Variants in DELE1 observed in about 807,000 individuals in gnomAD.
DELE1 encodes the protein death ligand signal enhancer.
In DELE1, 54 loss-of-function variants were observed where a neutral mutation model predicts 59.3. The observed-to-expected ratio is 0.91, with a 90% CI of 0.73 to 1.14. The LOEUF (loss-of-function observed/expected upper bound fraction) is 1.14. Ranked by LOEUF, DELE1 falls within the 50% of genes most tolerant of loss-of-function variation. The pLI is 0.00. For synonymous variants in DELE1, 264 were observed against 259.1 expected, an observed-to-expected ratio of 1.02 and a Z score of -0.18; for missense variants, 636 against 643.9, an observed-to-expected ratio of 0.99 and a Z score of 0.13.
intron 8 of DELE1, chr5:141,933,628 C>T: frequency 3.4e-6 from 1 of 291,242 alleles, no homozygotes; most frequent in Non-Finnish European, 6.3e-6. Context: ...ACATCCTCAG[C>T]CTAGAATAGC....
At chr5:141,936,268 A>C (rs1385530553) in intron 10 of DELE1, among the ~76,000 whole-genome samples, 1 of 152,178 alleles carries the variant, frequency 6.6e-6, no homozygotes, top group Non-Finnish European at 1.5e-5. Flanking sequence ...CTGAGTTAAC[A>C]CAGCTGGTAA....
In DELE1 at chr5:141,933,349, A is replaced by G. The variant is rs770205450; in HGVS notation, c.845A>G (p.Asn282Ser). Residue 282 changes from asparagine to serine, a missense_variant, in exon 8 of 12, where the codon AAT becomes AGT. By Grantham distance (46) the Asn-to-Ser change is conservative. Coordinates refer to ENST00000432126, the MANE Select transcript of DELE1 (RefSeq NM_014773.5). Reference protein sequence around the residue: ...AARGYSKAQYNAGLCHEHGRG... With the variant: ...AARGYSKAQYSAGLCHEHGRG... ...CGCGGCTACAGCAAAGCGCAGTACA[A>G]TGCGGGCTTGTGTCATGAGCATGGC... 37 of 1,539,756 alleles carry G rather than the reference A, an allele frequency of 2.4e-5. No homozygotes were observed. Among genetic ancestry groups the G allele is most frequent in the Middle Eastern group, 1.8e-4 (1 of 5,592 alleles).
At chr5:141,937,498 C>T (rs1048864841) in intron 11 of DELE1, 141 bp downstream of exon 11, 81 of 935,898 alleles carry the variant, frequency 8.7e-5, no homozygotes, top group Admixed American at 2.2e-4. Context: ...GGGATGGGCA[C>T]GGTGGCTCAC....
intron 7 of DELE1, among the ~76,000 whole-genome samples, chr5:141,930,895 G>C (rs1338467279): frequency 2.0e-5 from 3 of 152,172 alleles, no homozygotes; most frequent in African/African-American, 7.2e-5. Flanking sequence ...TGGGCAGATA[G>C]GCAAGAGGCT....
At chr5:141,937,888 G>A (rs1289681918) in intron 11 of DELE1, among the ~76,000 whole-genome samples, 2 of 147,200 alleles carry the variant, frequency 1.4e-5, no homozygotes, top group South Asian at 2.3e-4. Context: ...GCAATAGCGC[G>A]ATCTCGGCTC....
chr5:141,924,839 T>G (rs569186103), intron 2 of DELE1, 144 bp downstream of exon 2: 31 of 599,856 alleles, frequency 5.2e-5, no homozygotes, highest in Non-Finnish European at 7.1e-5. Context: ...CACTGCAACC[T>G]CCGCCTCCCA....
Position 141,939,045 on chromosome 5 carries a change from G to A in DELE1, c.*286G>A, listed in dbSNP as rs1752586667. ...TACTGAAGGGTCCAGAGACCCTGGT[G>A]CTCACCTTAGCCTTTGTCTTTGAGC... On this transcript the variant is annotated 3_prime_UTR_variant, in exon 12 of 12. Coordinates refer to ENST00000432126, the MANE Select transcript of DELE1 (RefSeq NM_014773.5). The A allele has an allele frequency of 8.3e-7, 1 of 1,205,482 alleles. No individual in the cohort carries two copies. The allele number at this position is 1,205,482 out of a possible 1,614,324, so 74.7% of individuals were successfully genotyped here. A position where few individuals can be genotyped will look rare whatever the true frequency, so the allele number is the denominator to read the frequency against.
rs539734341 is a variant in DELE1, at chr5:141,938,666, G to T, written c.1455G>T (p.Gly485=). 1 of 1,614,106 alleles carries T rather than the reference G, an allele frequency of 6.2e-7. No individual in the cohort carries two copies. The highest frequency in any genetic ancestry group is 1.7e-5 in the Admixed American group (1 of 60,022). Residue 485 remains glycine (G), a synonymous_variant, in exon 12 of 12, where the codon GGG becomes GGT. Coordinates refer to ENST00000432126, the MANE Select transcript of DELE1 (RefSeq NM_014773.5). ...ACCTTGGCCTCCTCTGCAGAAGTGG[G>T]CATCTCGGAGCCAGCCTGGAAGCCT... ...TGNLGLLCRS[G]HLGASLEASS...
At chr5:141,937,876 G>A (rs1436326538) in intron 11 of DELE1, among the ~76,000 whole-genome samples, 1 of 149,460 alleles carries the variant, frequency 6.7e-6, no homozygotes, top group Non-Finnish European at 1.5e-5. Flanking sequence ...CCAGGCTGGA[G>A]TGCAATAGCG....
rs749047395 is a variant in DELE1 at position 141,925,509 on chromosome 5, A to G, written c.246A>G (p.Leu82=). 1.1e-5 allele frequency: 18 copies of G among 1,591,958 alleles called. No homozygotes were observed. Among genetic ancestry groups the G allele is most frequent in the South Asian group, 2.3e-5 (2 of 88,172 alleles). The part of the protein sequence containing the change: ...WMSSRVSPNT[L]WDAISWGTLA... ...CTTCCCGTGTCTCCCCGAACACCCT[A>G]TGGGATGCCATATCTTGGGTAAGGC... is the stretch of plus-strand genomic sequence containing the variant. Residue 82 remains leucine, a synonymous_variant, in exon 3 of 12, where the codon CTA becomes CTG. Coordinates refer to ENST00000432126, the MANE Select transcript of DELE1 (RefSeq NM_014773.5).
rs1226532535 is a variant in DELE1 at position 141,938,529 on chromosome 5, C to G, written c.1318C>G (p.Pro440Ala). 6.2e-7 allele frequency: 1 copy of G among 1,613,822 alleles called. No individual in the cohort carries two copies. The highest frequency in any genetic ancestry group is 2.2e-5 in the East Asian group (1 of 44,872). Reference protein sequence around the residue: ...LFSMGAAAPGPSDLTVTGLKS... With the variant: ...LFSMGAAAPGASDLTVTGLKS... ...CTCACCTCTTCTTGTAGCCCCGGGG[C>G]CCAGCGACCTGACAGTTACAGGACT... The change falls in exon 12 of 12, where the codon CCC becomes GCC. Residue 440 changes from proline (P) to alanine (A), a missense_variant. By Grantham distance (27) the Pro-to-Ala change is conservative. Coordinates refer to ENST00000432126, the MANE Select transcript of DELE1 (RefSeq NM_014773.5).
chr5:141,929,383 G>A (rs900661760), intron 4 of DELE1, among the ~76,000 whole-genome samples, 199 bp from the exon 5 acceptor site: 5 of 152,204 alleles, frequency 3.3e-5, no homozygotes, highest in Admixed American at 3.3e-4. Flanking sequence ...TGAGTAGCTG[G>A]GATTACAGGC....
chr5:141,935,652 G>A (rs1259319005), intron 10 of DELE1, among the ~76,000 whole-genome samples: 4 of 152,198 alleles, frequency 2.6e-5, no homozygotes, highest in Non-Finnish European at 5.9e-5. Flanking sequence ...ATCCACTGCT[G>A]TACCTGCCTT....
chr5:141,924,071 G>C, intron 1 of DELE1, 99 bp downstream of exon 1: 4 of 1,484,276 alleles, frequency 2.7e-6, no homozygotes, highest in Non-Finnish European at 3.7e-6. Context: ...CGTGGGCCGG[G>C]TTAGAGCCAA....
Position 141,923,930 on chromosome 5 carries a change from G to T in DELE1, c.-12G>T. On this transcript the variant is annotated 5_prime_UTR_variant, in exon 1 of 12. Transcript: ENST00000432126. ...CTTTCGGCTGCGAGCTCTCTGTGGT[G>T]CTGGCAGCGACATGTGGCGCCTCCC... 1.2e-6 allele frequency: 2 copies of T among 1,604,786 alleles called. No individual in the cohort carries two copies. The highest frequency in any genetic ancestry group is 1.7e-6 in the Non-Finnish European group (2 of 1,176,072).
chr5:141,933,783 A>T (rs997659842), intron 8 of DELE1: 3 of 158,246 alleles, frequency 1.9e-5, no homozygotes, highest in African/African-American at 7.2e-5. Context: ...AAACTGGTTA[A>T]TTACATCTAT....
chr5:141,934,339 C>G lies in DELE1; in HGVS notation c.997C>G (p.Pro333Ala). ...ACGAGACCCAGCCTCTTCGTGGAAC[C>G]CTGAGCGGCAGAGGGCAGTGTCCTT... is the stretch of plus-strand genomic sequence containing the variant. ...LLRDPASSWNPERQRAVSLLK... is the reference protein window; with the variant it reads ...LLRDPASSWNAERQRAVSLLK... The change falls in exon 9 of 12, where the codon CCT (proline) becomes GCT (alanine). Residue 333 changes from proline to alanine, a missense_variant. Transcript: ENST00000432126. The G allele has an allele frequency of 5.6e-6, 9 of 1,614,228 alleles. No homozygotes were observed. The highest frequency in any genetic ancestry group is 7.6e-6 in the Non-Finnish European group (9 of 1,180,046).
chr5:141,928,363 C>G (rs1751598713), intron 4 of DELE1, 65 bp downstream of exon 4: 9 of 1,528,754 alleles, frequency 5.9e-6, no homozygotes, highest in Admixed American at 4.1e-5. Flanking sequence ...GGAAGCGTCT[C>G]TGGACACACC....
In DELE1 at chr5:141,941,164, ACTTC is replaced by A. The variant is rs897594896; in HGVS notation, c.*2410_*2413del. ...TGTGGTCATTTTGGATTTTCTGACT[ACTTC>A]CTTCTAGCCATAGCTGGGGCCGAGG... On this transcript the variant is annotated 3_prime_UTR_variant, in exon 12 of 12. Transcript: ENST00000432126. The A allele has an allele frequency of 5.1e-6, 5 of 985,142 alleles. No homozygotes were observed. In the African/African-American group the frequency reaches 7.0e-5, roughly 14 times the overall value. 61.0% of individuals were successfully genotyped at this position (985,142 alleles called of 1,614,324 possible). A position where few individuals can be genotyped will look rare whatever the true frequency, so the allele number is the denominator to read the frequency against.
Sources: allele counts gnomAD v4.1 joint callset (sites outside exome capture counted in the v4.1 genomes callset), GRCh38; gene constraint gnomAD v4.1.1; transcripts MANE v1.5; gene names NCBI Gene and HGNC (gene_info 2026-07-23, HGNC 2026-07-21).